Variants in KCNH7 observed in about 807,000 individuals in gnomAD.
The protein encoded by KCNH7 is voltage-gated inwardly rectifying potassium channel KCNH7.
In KCNH7, 49 loss-of-function variants were observed where a neutral mutation model predicts 120.8. The ratio of observed to expected loss-of-function variants is 0.41; its 90% CI spans 0.32 to 0.51. KCNH7 has a LOEUF of 0.51. Ranked by LOEUF, KCNH7 falls within the 20% of genes least tolerant of loss-of-function variation. The probability of loss-of-function intolerance (pLI) is 0.38; values close to 1 mark genes in which losing one functional copy is unlikely to be tolerated. For synonymous variants in KCNH7, 547 were observed against 516.1 expected (o/e 1.06, Z -0.81); for missense variants, 1,097 against 1,446.6 (o/e 0.76, Z 3.92).
intron 2 of KCNH7, among the ~76,000 whole-genome samples, chr2:162,810,744 T>A (rs976935088): frequency 6.6e-6 from 1 of 152,148 alleles, no homozygotes; most frequent in Non-Finnish European, 1.5e-5. Flanking sequence ...ACTTTCTTTT[T>A]AATCTGCATA....
chr2:162,681,928 T>C (rs958143143), intron 2 of KCNH7, among the ~76,000 whole-genome samples: 2 of 151,548 alleles, frequency 1.3e-5, no homozygotes, highest in African/African-American at 4.8e-5. Context: ...TTTCTGAAAA[T>C]CTTAACTCTT....
At chr2:162,519,850 A>G (rs1344508754) in intron 3 of KCNH7, among the ~76,000 whole-genome samples, 1 of 151,782 alleles carries the variant, frequency 6.6e-6, no homozygotes, top group East Asian at 2.0e-4. Flanking sequence ...TCTTTAATAT[A>G]TTTATTATGA....
chr2:162,456,666 G>C (rs982938011), intron 6 of KCNH7, among the ~76,000 whole-genome samples: 1 of 152,088 alleles, frequency 6.6e-6, no homozygotes, highest in Non-Finnish European at 1.5e-5. Flanking sequence ...CTAAGAACTT[G>C]TTTTATGAAT....
At chr2:162,645,769 T>G (rs1396248680) in intron 2 of KCNH7, among the ~76,000 whole-genome samples, 2 of 152,178 alleles carry the variant, frequency 1.3e-5, no homozygotes, top group Non-Finnish European at 2.9e-5. Flanking sequence ...ATCCATTTCC[T>G]CCAGCTCTCT....
intron 2 of KCNH7, among the ~76,000 whole-genome samples, chr2:162,572,159 C>G (rs981691244): frequency 6.6e-6 from 1 of 151,866 alleles, no homozygotes; most frequent in Non-Finnish European, 1.5e-5. Context: ...TGACAAAGGG[C>G]TAATATCCAG....
At chr2:162,746,936 C>T (rs1031808331) in intron 2 of KCNH7, among the ~76,000 whole-genome samples, 1 of 152,006 alleles carries the variant, frequency 6.6e-6, no homozygotes, top group Non-Finnish European at 1.5e-5. Flanking sequence ...TTTAAATGAT[C>T]CTTTTAGCCA....
At chr2:162,557,607 A>T (rs573241222) in intron 2 of KCNH7, among the ~76,000 whole-genome samples, 29 of 152,314 alleles carry the variant, frequency 1.9e-4, no homozygotes, top group African/African-American at 6.7e-4. Flanking sequence ...TTTGCAAAAC[A>T]TATTTGATGA....
chr2:162,474,146 A>G (rs977357922), intron 6 of KCNH7, among the ~76,000 whole-genome samples: 4 of 152,222 alleles, frequency 2.6e-5, no homozygotes, highest in South Asian at 2.1e-4. Context: ...TCAGGTTTCA[A>G]TGAAGAAATT....
intron 2 of KCNH7, among the ~76,000 whole-genome samples, chr2:162,626,503 A>C (rs984634556): frequency 1.3e-5 from 2 of 152,302 alleles, no homozygotes; most frequent in South Asian, 4.1e-4. Context: ...GATTGAAGAT[A>C]CAAAGTTTAT....
At chr2:162,766,904 CAT>C (rs978565398) in intron 2 of KCNH7, among the ~76,000 whole-genome samples, 332 of 145,436 alleles carry the variant, frequency 2.3e-3, no homozygotes, top group African/African-American at 6.0e-3. Flanking sequence ...CACACACACA[CAT>C]AAACACACAT....
chr2:162,467,560 C>G (rs1166753531), intron 6 of KCNH7, among the ~76,000 whole-genome samples: 3 of 152,186 alleles, frequency 2.0e-5, no homozygotes, highest in Admixed American at 2.0e-4. Flanking sequence ...CCTGAACACC[C>G]TTTAGAAGCA....
At chr2:162,581,200 G>A (rs911722503) in intron 2 of KCNH7, among the ~76,000 whole-genome samples, 5 of 152,044 alleles carry the variant, frequency 3.3e-5, no homozygotes, top group Admixed American at 2.6e-4. Context: ...TCAAATAATA[G>A]TGGTTGCTTT....
intron 8 of KCNH7, among the ~76,000 whole-genome samples, chr2:162,424,433 C>A (rs1687796241): frequency 6.6e-6 from 1 of 152,082 alleles, no homozygotes; most frequent in Admixed American, 6.5e-5. Context: ...TACAGAAAGT[C>A]ACATCACGAT....
At chr2:162,645,279 C>T (rs1234765084) in intron 2 of KCNH7, among the ~76,000 whole-genome samples, 1 of 152,088 alleles carries the variant, frequency 6.6e-6, no homozygotes, top group Non-Finnish European at 1.5e-5. Flanking sequence ...TCCTGAGTAG[C>T]TGGGACTACA....
intron 2 of KCNH7, among the ~76,000 whole-genome samples, chr2:162,574,020 A>G (rs949671674): frequency 1.3e-5 from 2 of 152,072 alleles, no homozygotes; most frequent in Non-Finnish European, 2.9e-5. Flanking sequence ...ATTATCATCA[A>G]ATCTTTTAAG....
At chr2:162,716,380 G>C (rs1000119043) in intron 2 of KCNH7, among the ~76,000 whole-genome samples, 4 of 152,028 alleles carry the variant, frequency 2.6e-5, no homozygotes, top group African/African-American at 9.7e-5. Context: ...CACTGAATTA[G>C]GTTTGGTATT....
chr2:162,751,039 AACCG>A (rs1032358138), intron 2 of KCNH7, among the ~76,000 whole-genome samples: 43 of 110,594 alleles, frequency 3.9e-4, no homozygotes, highest in African/African-American at 2.6e-3. Context: ...AGACAACAAC[AACCG>A]ACTATTTCCT....
chr2:162,711,689 T>C (rs957244196), intron 2 of KCNH7, among the ~76,000 whole-genome samples: 1 of 152,200 alleles, frequency 6.6e-6, no homozygotes, highest in Non-Finnish European at 1.5e-5. Flanking sequence ...GGGTAAAATA[T>C]GCTCTCAACT....
intron 2 of KCNH7, among the ~76,000 whole-genome samples, chr2:162,799,891 T>G (rs1432438686): frequency 6.6e-6 from 1 of 151,646 alleles, no homozygotes; most frequent in African/African-American, 2.4e-5. Flanking sequence ...GTCTTACCAG[T>G]GCTTATGGAA....
Sources: allele counts gnomAD v4.1 joint callset (sites outside exome capture counted in the v4.1 genomes callset), GRCh38; gene constraint gnomAD v4.1.1; transcripts MANE v1.5; gene names NCBI Gene and HGNC (gene_info 2026-07-23, HGNC 2026-07-21).